The following MAN2A2 variants were observed in gnomAD, a reference collection of about 807,000 sequenced individuals.
MAN2A2 encodes mannosidase alpha class 2A member 2.
MAN2A2 carries 79 observed loss-of-function variants against 126.8 expected under a neutral mutation model. That is an observed-to-expected ratio of 0.62 (90% confidence interval 0.52 to 0.75). The LOEUF (loss-of-function observed/expected upper bound fraction) is 0.75, where lower values mean the gene tolerates loss of function less well. Ranked by LOEUF, MAN2A2 falls within the 30% of genes least tolerant of loss-of-function variation. The pLI is 0.00. For missense variants in MAN2A2, 1,392 were observed against 1,522.4 expected (o/e 0.91, Z 1.43); for synonymous variants, 671 against 618.7 (o/e 1.08, Z -1.25).
intron 1 of MAN2A2, 33 bp from the exon 2 acceptor site, chr15:90,904,157 T>A: frequency 6.2e-7 from 1 of 1,613,476 alleles, no homozygotes; most frequent in Non-Finnish European, 8.5e-7. Context: ...GCATTTTGCA[T>A]GTTGGAGCTA....
At position 90,905,966 on chromosome 15, in the gene MAN2A2, C is replaced by A; in HGVS notation, c.657C>A (p.Phe219Leu). 2 of 1,613,994 alleles carry A rather than the reference C, an allele frequency of 1.2e-6. No homozygotes were observed. The highest frequency in any genetic ancestry group is 8.5e-7 in the Non-Finnish European group (1 of 1,179,988). The change falls in exon 5 of 23, where the codon TTC (phenylalanine) becomes TTA (leucine). Residue 219 changes from phenylalanine (F) to leucine (L), a missense_variant. Coordinates refer to ENST00000559717, the MANE Select transcript of MAN2A2 (RefSeq NM_006122.4). Reference protein sequence around the residue: ...RRFLWAEVSFFAKWWDNINVQ... With the variant: ...RRFLWAEVSFLAKWWDNINVQ... ...TCCTCTGGGCAGAGGTCTCCTTCTT[C>A]GCCAAGTGGTGGGACAACATCAATG...
chr15:90,912,589 G>C lies in MAN2A2; in HGVS notation c.2394G>C (p.Gln798His), dbSNP rs1253952072. Residue 798 changes from glutamine (Q) to histidine (H), a missense_variant, in exon 16 of 23, where the codon CAG (glutamine) becomes CAC (histidine). Gln to His is a conservative substitution (Grantham distance 24, BLOSUM62 0). Coordinates refer to ENST00000559717, the MANE Select transcript of MAN2A2 (RefSeq NM_006122.4). ...DEEHEQQVDM[Q>H]VLVYGTRTSK... ...AGCACGAGCAGCAGGTGGACATGCA[G>C]GTCCTTGTCTATGGCACCCGTACGT... 1 of 1,614,182 alleles carries C rather than the reference G, an allele frequency of 6.2e-7. No individual in the cohort carries two copies.
intron 7 of MAN2A2, 29 bp from the exon 8 acceptor site, chr15:90,907,280 G>A: frequency 1.2e-6 from 2 of 1,604,348 alleles, no homozygotes; most frequent in Non-Finnish European, 1.7e-6. Flanking sequence ...CTGCCTGCTG[G>A]TGGTGACCAC....
At chr15:90,909,968 C>A in intron 9 of MAN2A2, 122 bp from the exon 10 acceptor site, 1 of 820,912 alleles carries the variant, frequency 1.2e-6, no homozygotes, top group Non-Finnish European at 1.9e-6. Flanking sequence ...TCTAGAATGG[C>A]AGGATGTACA....
At position 90,921,842 on chromosome 15, in the gene MAN2A2, C is replaced by T. The variant is rs2035557374; in HGVS notation, c.*2055C>T. On this transcript the variant is annotated 3_prime_UTR_variant, in exon 23 of 23. Transcript: ENST00000559717. Reference sequence around the variant, plus strand: ...GCTGAGGCAGGAGAATCACATCAACCTGGGAGGCGGAGGTTGCAGTGAGCT... The same window carrying T: ...GCTGAGGCAGGAGAATCACATCAACTTGGGAGGCGGAGGTTGCAGTGAGCT... The T allele has an allele frequency of 6.6e-6, 1 of 152,116 alleles. No individual in the cohort carries two copies. Among genetic ancestry groups the T allele is most frequent in the Non-Finnish European group, 1.5e-5 (1 of 68,024 alleles). 9.4% of individuals were successfully genotyped at this position (152,116 alleles called of 1,614,324 possible).
chr15:90,910,279 G>A lies in MAN2A2; in HGVS notation c.1564G>A (p.Glu522Lys). ...CTACAAGAGCTTAGACCGAGTCCTGGAAGCCCACCTGCGGTGAGACCCTGT... is the reference window on the plus strand; with the variant it reads ...CTACAAGAGCTTAGACCGAGTCCTGAAAGCCCACCTGCGGTGAGACCCTGT... ...PFYKSLDRVL[E>K]AHLRGAEVLY... Residue 522 changes from glutamate to lysine, a missense_variant, in exon 10 of 23, where the codon GAA becomes AAA. Physicochemically the swap from Glu to Lys is moderately conservative, Grantham distance 56. Transcript: ENST00000559717. 1.9e-6 allele frequency: 3 copies of A among 1,614,106 alleles called. No homozygotes were observed. The highest frequency in any genetic ancestry group is 2.5e-6 in the Non-Finnish European group (3 of 1,179,994).
In MAN2A2 at chr15:90,912,045, G is replaced by A; in HGVS notation, c.2112G>A (p.Val704=). 2 of 1,611,260 alleles carry A rather than the reference G, an allele frequency of 1.2e-6. No individual in the cohort carries two copies. The highest frequency in any genetic ancestry group is 1.7e-6 in the Non-Finnish European group (2 of 1,179,278). The change falls in exon 15 of 23, where the codon GTG becomes GTA. Residue 704 remains valine, a splice_region_variant and synonymous_variant. Transcript: ENST00000559717. ...CCTCACCCCTCCTGTGCCCACAGGT[G>A]TCTGTGCCTGTCCGCCTGCCAGCCC... ...ATEAVPDVYQ[V]SVPVRLPALG...
At chr15:90,913,582 G>A in intron 18 of MAN2A2, 32 bp from the exon 19 acceptor site, 2 of 1,595,890 alleles carry the variant, frequency 1.3e-6, no homozygotes, top group East Asian at 2.2e-5. Context: ...TGGTGCCCGG[G>A]TGCCCTTGAT....
chr15:90,903,048 C>G (rs903414672), upstream of MAN2A2: 1 of 152,064 alleles, frequency 6.6e-6, no homozygotes, highest in African/African-American at 2.4e-5. Context: ...GGCGGGAGTG[C>G]GAGCGCCACT....
chr15:90,915,663 C>T (rs1311989526), intron 19 of MAN2A2, among the ~76,000 whole-genome samples: 1 of 152,210 alleles, frequency 6.6e-6, no homozygotes, highest in Non-Finnish European at 1.5e-5. Flanking sequence ...CAGTGTAGAA[C>T]AAGGGCAGGA....
intron 1 of MAN2A2, chr15:90,903,718 G>A (rs960677286): frequency 4.0e-6 from 1 of 248,424 alleles, no homozygotes; most frequent in African/African-American, 2.2e-5. Flanking sequence ...AAAGGATCGT[G>A]CCAGGCACTG....
chr15:90,911,589 C>T (rs1464699434), intron 14 of MAN2A2, 39 bp downstream of exon 14: 1 of 1,571,008 alleles, frequency 6.4e-7, no homozygotes, highest in African/African-American at 1.3e-5. Flanking sequence ...GGCCCTCTGC[C>T]CGTCGTGGGC....
intron 2 of MAN2A2, among the ~76,000 whole-genome samples, chr15:90,904,587 TTC>T (rs2034107700): frequency 7.2e-6 from 1 of 139,792 alleles, no homozygotes; most frequent in Admixed American, 7.0e-5. Context: ...CTGAATTCTT[TTC>T]TTTCTTTTTT....
chr15:90,909,036 T>C (rs2034518065), intron 8 of MAN2A2, among the ~76,000 whole-genome samples: 1 of 152,136 alleles, frequency 6.6e-6, no homozygotes, highest in Non-Finnish European at 1.5e-5. Flanking sequence ...ACCCTTCACT[T>C]TGGTGCTGCA....
At chr15:90,918,909 G>A (rs978951118) in intron 22 of MAN2A2, among the ~76,000 whole-genome samples, 154 bp downstream of exon 22, 2 of 152,164 alleles carry the variant, frequency 1.3e-5, no homozygotes, top group African/African-American at 2.4e-5. Context: ...TCAGAGCTCC[G>A]GAGGCCTGGC....
At position 90,913,394 on chromosome 15, in the gene MAN2A2, C is replaced by T. The variant is rs1190284479; in HGVS notation, c.2706C>T (p.Leu902=). Reference sequence around the variant, plus strand: ...GCCAGGGTATCTTCTTCACAGACCTCAATGGCTTTCAGGTGACTCCTGGGC... The same window carrying T: ...GCCAGGGTATCTTCTTCACAGACCTTAATGGCTTTCAGGTGACTCCTGGGC... The part of the protein sequence containing the change: ...IDSQGIFFTD[L]NGFQVQPRRY... The change falls in exon 18 of 23, where the codon CTC becomes CTT. Residue 902 remains leucine (L), a synonymous_variant. Coordinates refer to ENST00000559717, the MANE Select transcript of MAN2A2 (RefSeq NM_006122.4). 2.5e-6 allele frequency: 4 copies of T among 1,589,832 alleles called. No individual in the cohort carries two copies. The African/African-American group carries it at 5.4e-5, about 21-fold the overall frequency.
In MAN2A2 at chr15:90,922,333, A is replaced by T. The variant is rs756962744; in HGVS notation, c.*2546A>T. ...CATCAGAGTTGTTGCTGCCCGTATT[A>T]GGCCACACAGTGGAACCCCATTTAT... On this transcript the variant is annotated 3_prime_UTR_variant, in exon 23 of 23. Transcript: ENST00000559717. 3 of 152,242 alleles carry T rather than the reference A, an allele frequency of 2.0e-5. No homozygotes were observed. Among genetic ancestry groups the T allele is most frequent in the Non-Finnish European group, 4.4e-5 (3 of 68,036 alleles). 9.4% of individuals were successfully genotyped at this position (152,242 alleles called of 1,614,324 possible). A position where few individuals can be genotyped will look rare whatever the true frequency, so the allele number is the denominator to read the frequency against.
At chr15:90,909,605 CTTTTTT>C in intron 9 of MAN2A2, 101 bp downstream of exon 9, 2 of 849,146 alleles carry the variant, frequency 2.4e-6, no homozygotes, top group Non-Finnish European at 3.3e-6. Flanking sequence ...GGGTGCCCCC[CTTTTTT>C]TTTTTTTTTT....
intron 19 of MAN2A2, among the ~76,000 whole-genome samples, chr15:90,914,580 T>G (rs2009105): frequency 0.078 from 11,868 of 152,112 alleles, 1,089 homozygotes; most frequent in East Asian, 0.41. Context: ...AGTGCAGTGG[T>G]GCAATCTCCG....
Sources: gnomAD v4.1 joint callset for allele counts (sites outside exome capture counted in the v4.1 genomes callset) on GRCh38, gnomAD v4.1.1 for gene constraint, MANE v1.5 for transcripts, NCBI Gene and HGNC (gene_info 2026-07-23, HGNC 2026-07-21) for gene names.